Variants in LIPA observed in about 807,000 individuals in gnomAD.
The protein encoded by LIPA is lipase A, lysosomal acid type, also known as lysosomal acid lipase/cholesteryl ester hydrolase.
Under a neutral mutation model 40.6 loss-of-function variants are expected in LIPA, and 26 were observed. The ratio of observed to expected loss-of-function variants is 0.64; its 90% CI spans 0.47 to 0.89. The LOEUF is 0.89. Among genes scored for constraint, LIPA ranks in the 40% least tolerant of loss-of-function variants. The pLI is 0.00. For synonymous variants in LIPA, 188 were observed against 168.4 expected, an observed-to-expected ratio of 1.12 and a Z score of -0.90; for missense variants, 455 against 479.6, an observed-to-expected ratio of 0.95 and a Z score of 0.48.
chr10:89,329,547 G>C (rs1295268210), intron 1 of LIPA, among the ~76,000 whole-genome samples: 4 of 152,042 alleles, frequency 2.6e-5, no homozygotes, highest in Admixed American at 2.0e-4. Context: ...GGAAGAGATT[G>C]GGCTGCTCCT....
rs756767247 is a variant in LIPA at position 89,237,135 on chromosome 10, C to T, written c.229+8541G>A. Among the ~76,000 whole-genome samples the T allele has an allele frequency of 5.9e-5, 9 of 152,062 alleles. 1 individual carries two copies. Among genetic ancestry groups the T allele is most frequent in the Admixed American group, 3.9e-4 (6 of 15,272 alleles). On this transcript the variant is annotated intron_variant, in intron 3 of 9. Coordinates refer to ENST00000336233, the MANE Select transcript of LIPA (RefSeq NM_000235.4). ...ATCAAAAATTGTTTTAAAAATTAGC[C>T]GAGTATGGTTGGCACATGTCTGTAG...
intron 1 of LIPA, chr10:89,339,985 C>A (rs113402097): frequency 8.7e-6 from 14 of 1,614,190 alleles, no homozygotes; most frequent in African/African-American, 6.7e-5. Context: ...GGAACTGGGC[C>A]GCCTGCTAAG....
intron 7 of LIPA, 41 bp from the exon 8 acceptor site, chr10:89,222,623 T>C (rs373362660): frequency 8.2e-7 from 1 of 1,215,812 alleles, no homozygotes; most frequent in African/African-American, 1.5e-5. Flanking sequence ...GAAAACAGCA[T>C]TAAGGTGGCA....
rs760413481 is a variant in LIPA at position 89,215,953 on chromosome 10, A to T, written c.951T>A (p.Tyr317Ter). The T allele has an allele frequency of 1.2e-6, 2 of 1,610,196 alleles. No homozygotes were observed. Among genetic ancestry groups the T allele is most frequent in the South Asian group, 1.1e-5 (1 of 91,006 alleles). ...AAAACTTTACCTGGTTGTAATGAAA[A>T]TAATTCTTGGCACTGCTTCCCCAGT... ...AFDWGSSAKN[Y>*]FHYNQSYPPT... is the part of the protein sequence containing the mutation. The change falls in exon 9 of 10, where the codon TAT (tyrosine) becomes TAA (stop). Residue 317 changes from tyrosine to a stop codon, truncating the protein, a stop_gained. Coordinates refer to ENST00000336233, the MANE Select transcript of LIPA (RefSeq NM_000235.4). LOFTEE classifies it low-confidence loss of function (END_TRUNC).
intron 1 of LIPA, chr10:89,309,291 C>T (rs780712255): frequency 3.3e-4 from 50 of 152,108 alleles, no homozygotes; most frequent in Non-Finnish European, 1.0e-4. Context: ...CCATCCTGGA[C>T]GCAATCCAAA....
chr10:89,316,824 C>T (rs186191559), intron 1 of LIPA, among the ~76,000 whole-genome samples: 206 of 152,324 alleles, frequency 1.4e-3, no homozygotes, highest in Middle Eastern at 3.4e-3. Flanking sequence ...AAGGCACCTC[C>T]CAGTAGGGGC....
intron 2 of LIPA, chr10:89,392,833 T>C (rs2133612356): frequency 9.5e-7 from 1 of 1,056,110 alleles, no homozygotes; most frequent in Non-Finnish European, 1.5e-6. Flanking sequence ...TTCCTCGATT[T>C]GAGTATCTGC....
At chr10:89,292,888 A>G (rs1299552143) in intron 1 of LIPA, among the ~76,000 whole-genome samples, 1 of 151,788 alleles carries the variant, frequency 6.6e-6, no homozygotes, top group African/African-American at 2.4e-5. Flanking sequence ...GCCTCAAGCA[A>G]TTCTCCTGCC....
In LIPA at chr10:89,295,544, T is replaced by C. The variant is rs142166164; in HGVS notation, c.-2+47067A>G. On this transcript the variant is annotated intron_variant, in intron 1 of 5. Coordinates refer to the LIPA transcript ENST00000282673. ...ACACTGGAATTTCTGATTCTATCAG[T>C]CTAGAATGGGGCCTAAGAATTTGCA... 3.7e-3 allele frequency among the ~76,000 whole-genome samples: 561 copies of C among 152,356 alleles called. 5 individuals are homozygous for C. Among genetic ancestry groups the C allele is most frequent in the African/African-American group, 0.013 (549 of 41,590 alleles).
intron 2 of LIPA, among the ~76,000 whole-genome samples, chr10:89,385,648 A>G (rs7075004): frequency 0.12 from 19,011 of 152,224 alleles, 3,072 homozygotes; most frequent in African/African-American, 0.37. Flanking sequence ...GGAGTTCTAC[A>G]GCATTCTAGC....
intron 1 of LIPA, among the ~76,000 whole-genome samples, chr10:89,249,141 T>TG (rs1050705112): frequency 3.3e-5 from 5 of 152,212 alleles, no homozygotes; most frequent in African/African-American, 4.8e-5. Context: ...TTGTCATTCA[T>TG]GGGAAAAAAG....
chr10:89,380,529 C>T (rs568598291), intron 2 of LIPA, among the ~76,000 whole-genome samples: 153 of 151,928 alleles, frequency 1.0e-3, no homozygotes, highest in African/African-American at 3.5e-3. Flanking sequence ...TCCACCTGCC[C>T]GGGCTCAGGT....
At chr10:89,223,950 G>T in intron 6 of LIPA, 120 bp from the exon 7 acceptor site, 1 of 994,650 alleles carries the variant, frequency 1.0e-6, no homozygotes, top group South Asian at 1.3e-5. Flanking sequence ...CCTCAGGAGA[G>T]AATGGCAACC....
At chr10:89,306,817 T>C in intron 1 of LIPA, 1 of 1,614,058 alleles carries the variant, frequency 6.2e-7, no homozygotes, top group Non-Finnish European at 8.5e-7. Flanking sequence ...ATTGCCAAAT[T>C]GGGTGCTGCT....
upstream of LIPA, chr10:89,414,667 A>T: frequency 9.6e-7 from 1 of 1,038,406 alleles, no homozygotes; most frequent in Non-Finnish European, 1.3e-6. Flanking sequence ...GGCCGAGTCC[A>T]GGGGCTGCAG....
intron 2 of LIPA, among the ~76,000 whole-genome samples, chr10:89,411,079 T>A (rs778314039): frequency 6.6e-6 from 1 of 152,230 alleles, no homozygotes; most frequent in Non-Finnish European, 1.5e-5. Context: ...AACACTCCAA[T>A]ACCACCTTGC....
chr10:89,352,083 T>C (rs1330422397), intron 2 of LIPA, among the ~76,000 whole-genome samples: 4 of 152,168 alleles, frequency 2.6e-5, no homozygotes, highest in Admixed American at 2.6e-4. Flanking sequence ...AATTCTTTCC[T>C]AAGGAGTAAG....
At chr10:89,374,696 T>C (rs1844110339) in intron 2 of LIPA, among the ~76,000 whole-genome samples, 3 of 152,252 alleles carry the variant, frequency 2.0e-5, no homozygotes, top group African/African-American at 7.2e-5. Context: ...AAGATATTTG[T>C]ATCTGAAAAC....
chr10:89,246,836 T>C (rs779250244), intron 2 of LIPA, among the ~76,000 whole-genome samples: 6 of 152,172 alleles, frequency 3.9e-5, no homozygotes, highest in East Asian at 1.9e-4. Flanking sequence ...ATATGTTCCC[T>C]GGACATTCTT....
Sources: allele counts gnomAD v4.1 joint callset (sites outside exome capture counted in the v4.1 genomes callset), GRCh38; gene constraint gnomAD v4.1.1; transcripts MANE v1.5; gene names NCBI Gene and HGNC (gene_info 2026-07-23, HGNC 2026-07-21).